Variants in LINGO2 observed in about 807,000 individuals in gnomAD.
LINGO2 encodes the protein leucine-rich repeat and immunoglobulin-like domain-containing nogo receptor-interacting protein 2.
A neutral mutation model predicts 30.6 loss-of-function variants in LINGO2; 14 were observed. That is an observed-to-expected ratio of 0.46 (90% CI 0.30 to 0.72). The LOEUF is 0.72. Ranked by LOEUF, LINGO2 falls within the 30% of genes least tolerant of loss-of-function variation. The probability of loss-of-function intolerance (pLI) is 0.07; values close to 1 mark genes in which losing one functional copy is unlikely to be tolerated. For missense variants in LINGO2, 729 were observed against 751.7 expected (o/e 0.97, Z 0.35); for synonymous variants, 317 against 288.5 (o/e 1.10, Z -1.00).
chr9:28,665,035 A>G (rs57525797), intron 1 of LINGO2, among the ~76,000 whole-genome samples: 3,714 of 123,146 alleles, frequency 0.03, 213 homozygotes, highest in African/African-American at 0.1. Flanking sequence ...ATATATATAT[A>G]TATGTTATAA....
At chr9:28,189,269 G>A (rs13285694) in intron 4 of LINGO2, among the ~76,000 whole-genome samples, 19,302 of 52,176 alleles carry the variant, frequency 0.37, 2,528 homozygotes, top group East Asian at 0.52. Flanking sequence ...GGAAGGGAGG[G>A]AGGAAGGGAG....
At chr9:28,084,228 G>A (rs1469398298) in intron 4 of LINGO2, among the ~76,000 whole-genome samples, 1 of 152,172 alleles carries the variant, frequency 6.6e-6, no homozygotes, top group African/African-American at 2.4e-5. Context: ...AGACAACTTT[G>A]TTGGTACTAA....
At chr9:28,760,572 G>A in the LINGO2 span, among the ~76,000 whole-genome samples, 1 of 151,802 alleles carries the variant, frequency 6.6e-6, no homozygotes, top group African/African-American at 2.4e-5. Context: ...AAGTTCTTTA[G>A]CGGTGATTTG....
At chr9:29,086,611 A>T in the LINGO2 span, among the ~76,000 whole-genome samples, 2 of 152,324 alleles carry the variant, frequency 1.3e-5, no homozygotes, top group African/African-American at 4.8e-5. Flanking sequence ...AAGTAAGAGA[A>T]GGTGAAAAAA....
At chr9:28,788,734 T>A in the LINGO2 span, among the ~76,000 whole-genome samples, 1 of 152,042 alleles carries the variant, frequency 6.6e-6, no homozygotes, top group Non-Finnish European at 1.5e-5. Flanking sequence ...ATCAATCTCA[T>A]GAGAATTCAC....
chr9:28,126,852 T>G (rs1827249719), intron 4 of LINGO2, among the ~76,000 whole-genome samples: 1 of 152,224 alleles, frequency 6.6e-6, no homozygotes. Flanking sequence ...GATATTATTC[T>G]CCTTCAGAGA....
the LINGO2 span, among the ~76,000 whole-genome samples, chr9:28,963,117 T>C: frequency 4.6e-5 from 7 of 152,096 alleles, no homozygotes; most frequent in African/African-American, 1.7e-4. Context: ...TTTTTCAATA[T>C]CTTTAAGAGA....
chr9:28,227,847 G>T (rs368719978), intron 4 of LINGO2, among the ~76,000 whole-genome samples: 1 of 151,990 alleles, frequency 6.6e-6, no homozygotes, highest in African/African-American at 2.4e-5. Context: ...TGGCAGCAAA[G>T]AAGCCATAAC....
At chr9:28,753,530 A>C in the LINGO2 span, among the ~76,000 whole-genome samples, 1 of 152,042 alleles carries the variant, frequency 6.6e-6, no homozygotes, top group South Asian at 2.1e-4. Context: ...TGAGCTGCTT[A>C]CAACTCTAAG....
At chr9:28,300,998 C>A (rs1194411972) in intron 3 of LINGO2, among the ~76,000 whole-genome samples, 1 of 151,870 alleles carries the variant, frequency 6.6e-6, no homozygotes, top group Non-Finnish European at 1.5e-5. Context: ...AGGCAGTTTC[C>A]AAATACTTCA....
At chr9:28,818,848 C>T in the LINGO2 span, among the ~76,000 whole-genome samples, 1 of 152,020 alleles carries the variant, frequency 6.6e-6, no homozygotes, top group African/African-American at 2.4e-5. Context: ...AGGGTGTAAA[C>T]TATTAACAAA....
intron 5 of LINGO2, among the ~76,000 whole-genome samples, chr9:28,011,651 TG>T (rs533298407): frequency 2.6e-4 from 40 of 152,300 alleles, no homozygotes; most frequent in African/African-American, 8.7e-4. Flanking sequence ...GAATTGTATT[TG>T]ATATATATAT....
intron 4 of LINGO2, among the ~76,000 whole-genome samples, chr9:28,151,362 T>G (rs1480802642): frequency 1.3e-5 from 2 of 151,978 alleles, no homozygotes; most frequent in Non-Finnish European, 2.9e-5. Context: ...TAAGTATGGA[T>G]TATGTTATGC....
At chr9:28,693,756 T>C in the LINGO2 span, among the ~76,000 whole-genome samples, 2,047 of 152,150 alleles carry the variant, frequency 0.013, 19 homozygotes, top group Non-Finnish European at 0.019. Flanking sequence ...CTTGAAAATG[T>C]TGGGGGGATG....
chr9:28,368,385 CTTCTT>C (rs1418060663), intron 3 of LINGO2, among the ~76,000 whole-genome samples: 1 of 152,092 alleles, frequency 6.6e-6, no homozygotes, highest in Non-Finnish European at 1.5e-5. Flanking sequence ...CCTATCTGCA[CTTCTT>C]TTCTTTTGAG....
the LINGO2 span, among the ~76,000 whole-genome samples, chr9:28,926,271 G>C: frequency 6.6e-6 from 1 of 152,072 alleles, no homozygotes; most frequent in Non-Finnish European, 1.5e-5. Flanking sequence ...CCGAGATCGT[G>C]CCACTGCACT....
At chr9:28,648,092 A>C (rs1161307430) in intron 1 of LINGO2, among the ~76,000 whole-genome samples, 2 of 151,972 alleles carry the variant, frequency 1.3e-5, no homozygotes, top group Non-Finnish European at 2.9e-5. Context: ...AAAGCACATA[A>C]TGATCCCTGC....
intron 2 of LINGO2, among the ~76,000 whole-genome samples, chr9:28,403,685 A>G (rs890701041): frequency 2.0e-5 from 3 of 149,746 alleles, no homozygotes; most frequent in Non-Finnish European, 3.0e-5. Context: ...GATGACCTCA[A>G]CTTTTCCTGG....
chr9:28,924,081 A>T, the LINGO2 span, among the ~76,000 whole-genome samples: 1 of 152,216 alleles, frequency 6.6e-6, no homozygotes, highest in Non-Finnish European at 1.5e-5. Flanking sequence ...AAAGAAGTGG[A>T]ATTGCACTTT....
Sources: gnomAD v4.1 joint callset for allele counts (sites outside exome capture counted in the v4.1 genomes callset) on GRCh38, gnomAD v4.1.1 for gene constraint, MANE v1.5 for transcripts, NCBI Gene and HGNC (gene_info 2026-07-23, HGNC 2026-07-21) for gene names.